The following WDR70 variants were observed in gnomAD, a reference collection of about 807,000 sequenced individuals.
WDR70 encodes WD repeat domain 70, also known as WD repeat-containing protein 70.
In WDR70, 53 loss-of-function variants were observed where a neutral mutation model predicts 88.6. The observed-to-expected ratio is 0.60, with a 90% CI of 0.48 to 0.75. The LOEUF (loss-of-function observed/expected upper bound fraction) is 0.75. WDR70 is among the 30% of genes least tolerant of loss of function. The pLI is 0.00. For missense variants in WDR70, 610 were observed against 823.2 expected, an observed-to-expected ratio of 0.74 and a Z score of 3.17; for synonymous variants, 280 against 270.0, an observed-to-expected ratio of 1.04 and a Z score of -0.36.
At chr5:37,728,356 A>AC in intron 17 of WDR70, among the ~76,000 whole-genome samples, 1 of 55,686 alleles carries the variant, frequency 1.8e-5, no homozygotes, top group Admixed American at 2.4e-4. Context: ...TCCAAAAAAA[A>AC]AAAAAAACAA....
intron 4 of WDR70, among the ~76,000 whole-genome samples, chr5:37,392,449 G>C (rs943202341): frequency 5.3e-5 from 8 of 152,056 alleles, no homozygotes; most frequent in African/African-American, 1.9e-4. Flanking sequence ...CTCCCAAAGT[G>C]CTGGGATTAT....
At chr5:37,649,588 T>C (rs1421117396) in intron 10 of WDR70, among the ~76,000 whole-genome samples, 1 of 151,404 alleles carries the variant, frequency 6.6e-6, no homozygotes, top group African/African-American at 2.4e-5. Context: ...TTCTGATCTT[T>C]TATGGTTTGC....
At chr5:37,406,797 G>A (rs1355419077) in intron 5 of WDR70, among the ~76,000 whole-genome samples, 1 of 152,146 alleles carries the variant, frequency 6.6e-6, no homozygotes, top group African/African-American at 2.4e-5. Flanking sequence ...ATTCACTCAT[G>A]CATCATACCA....
intron 9 of WDR70, among the ~76,000 whole-genome samples, chr5:37,586,922 G>T (rs1189389440): frequency 6.6e-6 from 1 of 152,058 alleles, no homozygotes; most frequent in Non-Finnish European, 1.5e-5. Flanking sequence ...CACTTAACTT[G>T]CTATTGCCAC....
At chr5:37,703,518 A>G (rs1348836543) in intron 13 of WDR70, among the ~76,000 whole-genome samples, 4 of 152,238 alleles carry the variant, frequency 2.6e-5, no homozygotes, top group South Asian at 2.1e-4. Context: ...TGTGGGTTGT[A>G]GTCATTAAAG....
Position 37,381,404 on chromosome 5 carries a change from G to C in WDR70, c.92-198G>C, listed in dbSNP as rs1748419792. ...CTAGAGGAGGATGGGAAAGTTGCCT[G>C]GTTAATAGTACTTAGTGAAGGGATT... On this transcript the variant is annotated intron_variant, in intron 2 of 17. Coordinates refer to ENST00000265107, the MANE Select transcript of WDR70 (RefSeq NM_018034.4). Among the ~76,000 whole-genome samples the C allele has an allele frequency of 2.0e-5, 3 of 152,174 alleles. No homozygotes were observed. In the South Asian group the frequency reaches 6.2e-4, roughly 32 times the overall value.
At position 37,685,653 on chromosome 5, in the gene WDR70, G is replaced by T. The variant is rs144682945; in HGVS notation, c.1093-12002G>T. ...CAATCCTAGGGGTATGGGCATCCCTGCTGGTGCTCTACCACAGATGCTCCC... is the reference window on the plus strand; with the variant it reads ...CAATCCTAGGGGTATGGGCATCCCTTCTGGTGCTCTACCACAGATGCTCCC... On this transcript the variant is annotated intron_variant, in intron 10 of 17. Coordinates refer to ENST00000265107, the MANE Select transcript of WDR70 (RefSeq NM_018034.4). Among the ~76,000 whole-genome samples, 126 of 152,224 alleles carry T rather than the reference G, an allele frequency of 8.3e-4. 2 individuals carry two copies. In the East Asian group the frequency reaches 0.023, roughly 28 times the overall value.
intron 9 of WDR70, among the ~76,000 whole-genome samples, chr5:37,531,204 G>T (rs1741471096): frequency 6.6e-6 from 1 of 152,094 alleles, no homozygotes; most frequent in African/African-American, 2.4e-5. Flanking sequence ...CTTGTTTTGT[G>T]GCATATCATA....
At chr5:37,550,130 C>T (rs909794309) in intron 9 of WDR70, among the ~76,000 whole-genome samples, 1 of 152,092 alleles carries the variant, frequency 6.6e-6, no homozygotes, top group African/African-American at 2.4e-5. Flanking sequence ...CTCCCAGAGC[C>T]CTGGGATTAC....
At chr5:37,682,210 T>C (rs1746458974) in intron 10 of WDR70, among the ~76,000 whole-genome samples, 1 of 152,212 alleles carries the variant, frequency 6.6e-6, no homozygotes, top group Non-Finnish European at 1.5e-5. Context: ...TCTAGTTTTT[T>C]TGCATGGAAG....
intron 17 of WDR70, among the ~76,000 whole-genome samples, chr5:37,746,026 T>C (rs1265071677): frequency 2.0e-5 from 3 of 152,162 alleles, no homozygotes; most frequent in African/African-American, 7.2e-5. Flanking sequence ...TAATTGGAAG[T>C]AAAACGCTCC....
rs377366011 is a variant in WDR70, at chr5:37,699,360, AGT to A, written c.1192+1619_1192+1620del. ...CACACACACACACACACACACACAC[AGT>A]GTGTGTGTGTGTATATATATGTATG... On this transcript the variant is annotated intron_variant, in intron 11 of 17. Coordinates refer to ENST00000265107, the MANE Select transcript of WDR70 (RefSeq NM_018034.4). Among the ~76,000 whole-genome samples the A allele has an allele frequency of 3.2e-5, 4 of 125,932 alleles. No homozygotes were observed. The East Asian group carries it at 9.3e-4, about 29-fold the overall frequency. 82.6% of individuals were successfully genotyped at this position (125,932 alleles called of 152,430 possible).
chr5:37,685,327 G>T (rs1746554212), intron 10 of WDR70, among the ~76,000 whole-genome samples: 1 of 152,116 alleles, frequency 6.6e-6, no homozygotes, highest in African/African-American at 2.4e-5. Context: ...GGTTGCCGTG[G>T]GCCTGGGGGA....
At chr5:37,483,455 A>G (rs1739738165) in intron 8 of WDR70, among the ~76,000 whole-genome samples, 1 of 152,222 alleles carries the variant, frequency 6.6e-6, no homozygotes, top group Non-Finnish European at 1.5e-5. Context: ...AAAGCAGAAG[A>G]ATTTTTCTTA....
intron 13 of WDR70, among the ~76,000 whole-genome samples, chr5:37,713,052 G>C (rs563723987): frequency 6.6e-6 from 1 of 152,126 alleles, no homozygotes; most frequent in Non-Finnish European, 1.5e-5. Context: ...TCTTGATTCA[G>C]ATGCAGTTTT....
At chr5:37,508,450 T>C (rs977670165) in intron 8 of WDR70, among the ~76,000 whole-genome samples, 1 of 152,232 alleles carries the variant, frequency 6.6e-6, no homozygotes, top group Non-Finnish European at 1.5e-5. Context: ...ATAGCAGCCC[T>C]AGCTGACTGA....
intron 4 of WDR70, among the ~76,000 whole-genome samples, chr5:37,395,428 A>G (rs1409221311): frequency 6.6e-6 from 1 of 152,188 alleles, no homozygotes; most frequent in Non-Finnish European, 1.5e-5. Context: ...AAGAGGGATG[A>G]GGAAATGGCT....
At chr5:37,509,734 C>G (rs1740661727) in intron 8 of WDR70, among the ~76,000 whole-genome samples, 1 of 148,932 alleles carries the variant, frequency 6.7e-6, no homozygotes, top group Non-Finnish European at 1.5e-5. Flanking sequence ...CCTATAAATT[C>G]TTTTTTTTTC....
intron 9 of WDR70, among the ~76,000 whole-genome samples, chr5:37,593,081 G>A (rs887378009): frequency 7.9e-5 from 12 of 152,210 alleles, no homozygotes; most frequent in Non-Finnish European, 1.8e-4. Context: ...CTTGAACCTA[G>A]AAGTTCAAGT....
Sources: gnomAD v4.1 joint callset for allele counts (sites outside exome capture counted in the v4.1 genomes callset) on GRCh38, gnomAD v4.1.1 for gene constraint, MANE v1.5 for transcripts, NCBI Gene and HGNC (gene_info 2026-07-23, HGNC 2026-07-21) for gene names.